KCNQ1: variants seen among roughly 807,000 people sequenced by gnomAD.
The protein encoded by KCNQ1 is potassium voltage-gated channel subfamily KQT member 1.
In KCNQ1, 49 loss-of-function variants were observed where a neutral mutation model predicts 72.4. That is an observed-to-expected ratio of 0.68 (90% CI 0.54 to 0.86). The LOEUF (loss-of-function observed/expected upper bound fraction) is 0.86, where lower values mean the gene tolerates loss of function less well. Among genes scored for constraint, KCNQ1 ranks in the 40% least tolerant of loss-of-function variants. The pLI is 0.00. For missense variants in KCNQ1, 790 were observed against 945.1 expected (o/e 0.84, Z 2.15); for synonymous variants, 450 against 412.6 (o/e 1.09, Z -1.10).
rs765665086 is a variant in KCNQ1 at position 2,572,924 on chromosome 11, G to A, written c.859G>A (p.Ala287Thr). 38 of 1,613,728 alleles carry A rather than the reference G, an allele frequency of 2.4e-5. No homozygotes were observed. Among genetic ancestry groups the A allele is most frequent in the East Asian group, 1.1e-4 (5 of 44,894 alleles). The change falls in exon 6 of 16, where the codon GCG becomes ACG. Residue 287 changes from alanine to threonine, a missense_variant. By Grantham distance (58) the Ala-to-Thr change is moderately conservative. Transcript: ENST00000155840. ...CTTTGTGTACCTGGCTGAGAAGGAC[G>A]CGGTGAACGAGTCAGGCCGCGTGGA... is the stretch of plus-strand genomic sequence containing the variant. The part of the protein sequence containing the change: ...SYFVYLAEKD[A>T]VNESGRVEFG...
chr11:2,630,465 T>A (rs1849335250), intron 10 of KCNQ1: 1 of 398,250 alleles, frequency 2.5e-6, no homozygotes, highest in African/African-American at 2.1e-5. Flanking sequence ...TTGGGGGGAA[T>A]ATTTTGATCT....
chr11:2,612,793 CT>C lies in KCNQ1; in HGVS notation c.1393+23942del, dbSNP rs1215662452. 1 of 398,364 alleles carries C rather than the reference CT, an allele frequency of 2.5e-6. No homozygotes were observed. Among genetic ancestry groups the C allele is most frequent in the African/African-American group, 2.1e-5 (1 of 48,600 alleles). 24.7% of individuals were successfully genotyped at this position (398,364 alleles called of 1,614,324 possible). A position where few individuals can be genotyped will look rare whatever the true frequency, so the allele number is the denominator to read the frequency against. On this transcript the variant is annotated intron_variant, in intron 10 of 15. Transcript: ENST00000155840. This position sits in a 1 kb window ranked among gnomAD's most constrained non-coding sequence, Gnocchi z 5.5. ...GTTCAAGGGTCACAATTTTCTGTTTCTTTGCATATCTCATTTTTTTTGTTAA... is the reference window on the plus strand; with the variant it reads ...GTTCAAGGGTCACAATTTTCTGTTTCTTGCATATCTCATTTTTTTTGTTAA...
Position 2,677,873 on chromosome 11 carries a change from TG to T in KCNQ1, c.1514+15793del, listed in dbSNP as rs1850321486. 1 of 398,422 alleles carries T rather than the reference TG, an allele frequency of 2.5e-6. No homozygotes were observed. 24.7% of individuals were successfully genotyped at this position (398,422 alleles called of 1,614,324 possible). A position where few individuals can be genotyped will look rare whatever the true frequency, so the allele number is the denominator to read the frequency against. ...ATTTACATCACTTTGACTGCACAAA[TG>T]CACTTTCTTCCCCCACCCTTACCAA... On this transcript the variant is annotated intron_variant, in intron 11 of 15. Transcript: ENST00000155840. This position sits in a 1 kb window ranked among gnomAD's most constrained non-coding sequence, Gnocchi z 4.5.
chr11:2,490,933 C>T (rs1275372888), intron 1 of KCNQ1, among the ~76,000 whole-genome samples: 4 of 152,126 alleles, frequency 2.6e-5, no homozygotes, highest in East Asian at 1.9e-4. Flanking sequence ...CTTGAACTCC[C>T]GACCTCAGGT....
rs530776272 is a variant in KCNQ1 at position 2,484,283 on chromosome 11, C to T, written c.386+38799C>T. On this transcript the variant is annotated intron_variant, in intron 1 of 15. Transcript: ENST00000155840. This position sits in a 1 kb window ranked among gnomAD's most constrained non-coding sequence, Gnocchi z 5.2. The stretch of plus-strand genomic sequence containing the variant: ...GGTTCAAGTGATTCTCCTGCCTCAG[C>T]CTCCTGAGTAGCTGGGATTACAGGC... Among the ~76,000 whole-genome samples the T allele has an allele frequency of 6.6e-6, 1 of 152,134 alleles. No homozygotes were observed. The highest frequency in any genetic ancestry group is 1.5e-5 in the Non-Finnish European group (1 of 68,026).
At position 2,674,409 on chromosome 11, in the gene KCNQ1, GCGCCCGCGCGCACA is replaced by G; in HGVS notation, c.1514+12331_1514+12344del. Reference sequence around the variant, plus strand: ...GGTGCATGCGTGCGTGTGTGTGTGCGCGCCCGCGCGCACACGACCACAGAGGCTGGGGGGAGGCA... The same window carrying G: ...GGTGCATGCGTGCGTGTGTGTGTGCGCGACCACAGAGGCTGGGGGGAGGCA... On this transcript the variant is annotated intron_variant, in intron 11 of 15. Transcript: ENST00000155840. This position sits in a 1 kb window ranked among gnomAD's most constrained non-coding sequence, Gnocchi z 5.9. 1 of 307,970 alleles carries G rather than the reference GCGCCCGCGCGCACA, an allele frequency of 3.2e-6. No individual in the cohort carries two copies. Among genetic ancestry groups the G allele is most frequent in the East Asian group, 4.8e-5 (1 of 20,902 alleles). 19.1% of individuals were successfully genotyped at this position (307,970 alleles called of 1,614,324 possible). A position where few individuals can be genotyped will look rare whatever the true frequency, so the allele number is the denominator to read the frequency against.
chr11:2,613,122 A>G lies in KCNQ1; in HGVS notation c.1393+24268A>G. The G allele has an allele frequency of 2.5e-6, 1 of 398,626 alleles. No individual in the cohort carries two copies. Among genetic ancestry groups the G allele is most frequent in the Non-Finnish European group, 4.4e-6 (1 of 226,080 alleles). 24.7% of individuals were successfully genotyped at this position (398,626 alleles called of 1,614,324 possible). A position where few individuals can be genotyped will look rare whatever the true frequency, so the allele number is the denominator to read the frequency against. On this transcript the variant is annotated intron_variant, in intron 10 of 15. Coordinates refer to ENST00000155840, the MANE Select transcript of KCNQ1 (RefSeq NM_000218.3). This position sits in a 1 kb window ranked among gnomAD's most constrained non-coding sequence, Gnocchi z 4.8. The stretch of plus-strand genomic sequence containing the variant: ...TTGTTTAAACATCTTGAGCCAGTGA[A>G]TCTTCCACCCTCTGCTGAGGGGATC...
intron 1 of KCNQ1, among the ~76,000 whole-genome samples, chr11:2,520,115 C>T (rs979506630): frequency 3.9e-5 from 6 of 152,228 alleles, no homozygotes; most frequent in African/African-American, 7.2e-5. Flanking sequence ...CAAGTGGTGG[C>T]GCTGGGGCCC....
At chr11:2,649,059 G>A (rs1409020560) in intron 10 of KCNQ1, 1 of 377,088 alleles carries the variant, frequency 2.7e-6, no homozygotes, top group African/African-American at 2.3e-5. Flanking sequence ...CTGTTTGTGT[G>A]GAATATCTTT....
Position 2,813,421 on chromosome 11 carries a change from G to A in KCNQ1, c.1795-34346G>A, listed in dbSNP as rs560222802. Among the ~76,000 whole-genome samples the A allele has an allele frequency of 8.4e-4, 126 of 149,246 alleles. No homozygotes were observed. The highest frequency in any genetic ancestry group is 3.4e-3 in the Middle Eastern group (1 of 290). On this transcript the variant is annotated intron_variant, in intron 15 of 15. Coordinates refer to ENST00000155840, the MANE Select transcript of KCNQ1 (RefSeq NM_000218.3). The surrounding 1 kb of genome is among the most constrained non-coding windows in gnomAD (Gnocchi z 4.4). ...TTTTCACCCCCAAACCCGCCTGCCC[G>A]TCAGTGCTTAGAGCAAATGCCCCTC...
chr11:2,514,382 C>G (rs916674494), intron 1 of KCNQ1, among the ~76,000 whole-genome samples: 1 of 152,192 alleles, frequency 6.6e-6, no homozygotes, highest in Non-Finnish European at 1.5e-5. Context: ...GCTCAGGTTG[C>G]CGGGTGCCCT....
rs982748318 is a variant in KCNQ1 at position 2,566,697 on chromosome 11, A to T, written c.478-3931A>T. Reference sequence around the variant, plus strand: ...GACCAAGGACGGCTCTTCTTCTCGTATCTACGGGGCAGAGCTCAGGGCCGC... The same window carrying T: ...GACCAAGGACGGCTCTTCTTCTCGTTTCTACGGGGCAGAGCTCAGGGCCGC... On this transcript the variant is annotated intron_variant, in intron 2 of 15. Coordinates refer to ENST00000155840, the MANE Select transcript of KCNQ1 (RefSeq NM_000218.3). The surrounding 1 kb of genome is among the most constrained non-coding windows in gnomAD (Gnocchi z 6.7). Among the ~76,000 whole-genome samples the T allele has an allele frequency of 3.3e-5, 5 of 151,914 alleles. No homozygotes were observed. The highest frequency in any genetic ancestry group is 7.3e-5 in the African/African-American group (3 of 41,350).
chr11:2,541,362 C>A lies in KCNQ1; in HGVS notation c.477+13344C>A, dbSNP rs113808693. Among the ~76,000 whole-genome samples the A allele has an allele frequency of 6.6e-6, 1 of 152,148 alleles. No individual in the cohort carries two copies. The highest frequency in any genetic ancestry group is 1.5e-5 in the Non-Finnish European group (1 of 68,026). On this transcript the variant is annotated intron_variant, in intron 2 of 15. Transcript: ENST00000155840. The surrounding 1 kb of genome is among the most constrained non-coding windows in gnomAD (Gnocchi z 4.8). ...GTGGGGAACCTGGGGGAAGGGCGGG[C>A]GTCTTTATTTCATTTTAGCTTTCTT...
Position 2,478,916 on chromosome 11 carries a change from T to C in KCNQ1, c.386+33432T>C, listed in dbSNP as rs768643246. ...ACACAATTAGGGTACAGGCCTTGGA[T>C]AAATACACCCATTTGAAATGGGAGT... On this transcript the variant is annotated intron_variant, in intron 1 of 15. Coordinates refer to ENST00000155840, the MANE Select transcript of KCNQ1 (RefSeq NM_000218.3). This position sits in a 1 kb window ranked among gnomAD's most constrained non-coding sequence, Gnocchi z 4.0. Among the ~76,000 whole-genome samples the C allele has an allele frequency of 1.3e-5, 2 of 152,228 alleles. No individual in the cohort carries two copies. Among genetic ancestry groups the C allele is most frequent in the African/African-American group, 2.4e-5 (1 of 41,454 alleles).
chr11:2,786,067 T>C (rs918754105), intron 15 of KCNQ1, among the ~76,000 whole-genome samples: 1 of 152,170 alleles, frequency 6.6e-6, no homozygotes, highest in Non-Finnish European at 1.5e-5. Context: ...ATTTCTTTTT[T>C]ATCTCAGATC....
chr11:2,788,777 C>T (rs1361736598), intron 15 of KCNQ1, among the ~76,000 whole-genome samples: 1 of 152,206 alleles, frequency 6.6e-6, no homozygotes, highest in Non-Finnish European at 1.5e-5. Context: ...GGCTGCCCTT[C>T]AGTCAAACCA....
chr11:2,673,724 GC>G lies in KCNQ1; in HGVS notation c.1514+11646del, dbSNP rs1230954799. 2 of 398,460 alleles carry G rather than the reference GC, an allele frequency of 5.0e-6. No homozygotes were observed. Among genetic ancestry groups the G allele is most frequent in the Non-Finnish European group, 8.8e-6 (2 of 226,164 alleles). 24.7% of individuals were successfully genotyped at this position (398,460 alleles called of 1,614,324 possible). On this transcript the variant is annotated intron_variant, in intron 11 of 15. Coordinates refer to ENST00000155840, the MANE Select transcript of KCNQ1 (RefSeq NM_000218.3). This position sits in a 1 kb window ranked among gnomAD's most constrained non-coding sequence, Gnocchi z 4.5. ...GTTGCTGAATCTCAGGGCTTGGAAG[GC>G]CCAGACTGGACAGGGGAAGGGGTAC...
chr11:2,848,357 G>A lies in KCNQ1; in HGVS notation c.*354G>A. 1 of 540,178 alleles carries A rather than the reference G, an allele frequency of 1.9e-6. No homozygotes were observed. Among genetic ancestry groups the A allele is most frequent in the Non-Finnish European group, 3.5e-6 (1 of 282,350 alleles). The allele number at this position is 540,178 out of a possible 1,614,324, so 33.5% of individuals were successfully genotyped here. ...AGGAAGTAGCACAGGCTGAGTGCAG[G>A]CCCACCCTGCTTGGCCCAGGGGGCT... On this transcript the variant is annotated 3_prime_UTR_variant, in exon 16 of 16. Coordinates refer to ENST00000155840, the MANE Select transcript of KCNQ1 (RefSeq NM_000218.3).
chr11:2,552,743 G>A (rs577825525), intron 2 of KCNQ1, among the ~76,000 whole-genome samples: 1 of 151,878 alleles, frequency 6.6e-6, no homozygotes, highest in East Asian at 1.9e-4. Flanking sequence ...CGAGTTTTCC[G>A]ATCCACGAAC....
Sources: allele counts gnomAD v4.1 joint callset (sites outside exome capture counted in the v4.1 genomes callset), GRCh38; gene constraint gnomAD v4.1.1; non-coding constraint Gnocchi (gnomAD v3.1); transcripts MANE v1.5; gene names NCBI Gene and HGNC (gene_info 2026-07-23, HGNC 2026-07-21).